The following MAPK10 variants were observed in gnomAD, a reference collection of about 807,000 sequenced individuals.
MAPK10 encodes JNK3 alpha protein kinase.
A neutral mutation model predicts 59.3 loss-of-function variants in MAPK10; 25 were observed. The observed-to-expected ratio is 0.42, with a 90% CI of 0.31 to 0.59. The LOEUF is 0.59. Among genes scored for constraint, MAPK10 ranks in the 20% least tolerant of loss-of-function variants. MAPK10 has a pLI of 0.15. For missense variants in MAPK10, 351 were observed against 568.9 expected (o/e 0.62, Z 3.90); for synonymous variants, 190 against 200.5 (o/e 0.95, Z 0.44).
intron 2 of MAPK10, among the ~76,000 whole-genome samples, chr4:86,250,685 TA>T (rs1176578154): frequency 1.3e-5 from 2 of 151,746 alleles, no homozygotes; most frequent in African/African-American, 4.8e-5. Context: ...GCAAAGAAAG[TA>T]AAAAAAAGTA....
chr4:86,134,924 G>A (rs10006261), intron 4 of MAPK10, among the ~76,000 whole-genome samples: 5 of 151,938 alleles, frequency 3.3e-5, no homozygotes, highest in Admixed American at 6.6e-5. Context: ...AAGGGGTGAC[G>A]GATGGCACCT....
At chr4:86,066,997 T>C (rs1158831518) in intron 10 of MAPK10, among the ~76,000 whole-genome samples, 1 of 152,140 alleles carries the variant, frequency 6.6e-6, no homozygotes. Context: ...TTAAGATTAT[T>C]TATAATTTGC....
chr4:86,091,223 T>A (rs931593022), intron 9 of MAPK10: 1 of 151,602 alleles, frequency 6.6e-6, no homozygotes, highest in East Asian at 1.9e-4. Context: ...GAATTAAATA[T>A]CTTTGGAAAA....
chr4:86,585,155 A>T (rs895247432), intron 1 of MAPK10, among the ~76,000 whole-genome samples: 4 of 152,188 alleles, frequency 2.6e-5, no homozygotes, highest in African/African-American at 9.7e-5. Context: ...CTTTAGGTTC[A>T]TATTAATGGT....
intron 2 of MAPK10, among the ~76,000 whole-genome samples, chr4:86,224,882 T>A (rs114193549): frequency 0.03 from 4,519 of 152,294 alleles, 92 homozygotes; most frequent in South Asian, 0.041. Context: ...AGAAATAACA[T>A]CTTAAATACA....
At chr4:86,220,010 C>A (rs914513498) in intron 2 of MAPK10, 2 of 152,026 alleles carry the variant, frequency 1.3e-5, no homozygotes, top group Admixed American at 6.6e-5. Context: ...TTTTGCCAAG[C>A]GTATGTTTAC....
chr4:86,174,420 G>C (rs1254648306), intron 3 of MAPK10, among the ~76,000 whole-genome samples: 2 of 152,098 alleles, frequency 1.3e-5, no homozygotes, highest in African/African-American at 2.4e-5. Flanking sequence ...TGAAAAATGA[G>C]AGCACATGGA....
intron 4 of MAPK10, among the ~76,000 whole-genome samples, chr4:86,154,351 G>A (rs1255004399): frequency 6.6e-6 from 1 of 151,974 alleles, no homozygotes; most frequent in East Asian, 1.9e-4. Context: ...GTTAACTGAA[G>A]CCCTGGATGA....
At chr4:86,221,480 G>T (rs191969445) in intron 2 of MAPK10, among the ~76,000 whole-genome samples, 2,478 of 146,534 alleles carry the variant, frequency 0.017, 76 homozygotes, top group African/African-American at 0.056. Context: ...TATATTTTTG[G>T]TTTTTTTTTT....
At chr4:86,585,981 G>C (rs1351455461) in intron 1 of MAPK10, among the ~76,000 whole-genome samples, 2 of 152,128 alleles carry the variant, frequency 1.3e-5, no homozygotes, top group Admixed American at 6.5e-5. Flanking sequence ...CTTTAAGACA[G>C]AAGATAAACT....
At chr4:86,575,722 G>A (rs1761832252) in intron 1 of MAPK10, among the ~76,000 whole-genome samples, 2 of 150,762 alleles carry the variant, frequency 1.3e-5, no homozygotes, top group Non-Finnish European at 3.0e-5. Flanking sequence ...AAATGGTAAA[G>A]CAAACTTGCA....
chr4:86,141,507 G>C (rs1404596038), intron 4 of MAPK10, among the ~76,000 whole-genome samples: 1 of 152,094 alleles, frequency 6.6e-6, no homozygotes, highest in Non-Finnish European at 1.5e-5. Context: ...TCTTATTATA[G>C]CAAAGACTAT....
At chr4:86,382,582 C>T (rs1342485753) in intron 1 of MAPK10, among the ~76,000 whole-genome samples, 7 of 152,224 alleles carry the variant, frequency 4.6e-5, no homozygotes, top group Non-Finnish European at 8.8e-5. Context: ...GGCATAAAGT[C>T]GGAGCGCAAT....
intron 11 of MAPK10, among the ~76,000 whole-genome samples, chr4:86,057,245 A>T (rs1447686471): frequency 6.7e-6 from 1 of 149,900 alleles, no homozygotes; most frequent in African/African-American, 2.5e-5. Flanking sequence ...GCCCAGCAGG[A>T]CATTATTTTA....
chr4:86,524,014 A>T (rs1240367038), intron 1 of MAPK10, among the ~76,000 whole-genome samples: 2 of 152,090 alleles, frequency 1.3e-5, no homozygotes, highest in East Asian at 3.9e-4. Context: ...GTGAGTTCCC[A>T]TTCCATTAGT....
chr4:86,549,884 A>C (rs1759620522), intron 1 of MAPK10, among the ~76,000 whole-genome samples: 2 of 152,192 alleles, frequency 1.3e-5, no homozygotes, highest in Admixed American at 6.5e-5. Flanking sequence ...ATAAGGGAAG[A>C]AAGGAGAGGA....
intron 1 of MAPK10, among the ~76,000 whole-genome samples, chr4:86,513,087 G>T (rs947044349): frequency 6.6e-6 from 1 of 151,278 alleles, no homozygotes; most frequent in African/African-American, 2.4e-5. Flanking sequence ...TTTTTTTTTA[G>T]AGATGGGTCC....
At chr4:86,433,250 T>C (rs1429807891) in intron 1 of MAPK10, among the ~76,000 whole-genome samples, 1 of 152,136 alleles carries the variant, frequency 6.6e-6, no homozygotes, top group East Asian at 1.9e-4. Flanking sequence ...GCCCCCTTTC[T>C]TTTGGTAATT....
intron 2 of MAPK10, among the ~76,000 whole-genome samples, chr4:86,262,009 T>C (rs966258538): frequency 6.6e-6 from 1 of 152,256 alleles, no homozygotes; most frequent in African/African-American, 2.4e-5. Flanking sequence ...TTTATGATAA[T>C]CTTGTGAGTC....
Sources: gnomAD v4.1 joint callset for allele counts (sites outside exome capture counted in the v4.1 genomes callset) on GRCh38, gnomAD v4.1.1 for gene constraint, MANE v1.5 for transcripts, NCBI Gene and HGNC (gene_info 2026-07-23, HGNC 2026-07-21) for gene names.